Variants in PSD3 observed in about 807,000 individuals in gnomAD.
PSD3 encodes the protein pleckstrin and Sec7 domain containing 3, also known as PH and SEC7 domain-containing protein 3.
PSD3 carries 49 observed loss-of-function variants against 105.5 expected under a neutral mutation model. That is an observed-to-expected ratio of 0.46 (90% CI 0.37 to 0.59). The LOEUF (loss-of-function observed/expected upper bound fraction) is 0.59. Ranked by LOEUF, PSD3 falls within the 20% of genes least tolerant of loss-of-function variation. PSD3 has a pLI of 0.00. For missense variants in PSD3, 1,561 were observed against 1,263.8 expected, an observed-to-expected ratio of 1.24 and a Z score of -3.57; for synonymous variants, 557 against 457.8, an observed-to-expected ratio of 1.22 and a Z score of -2.77.
rs765817079 is a variant in PSD3 at position 18,804,540 on chromosome 8, G to T, written c.1892C>A (p.Thr631Lys). The T allele has an allele frequency of 1.9e-6, 3 of 1,612,254 alleles. No individual in the cohort carries two copies. Among genetic ancestry groups the T allele is most frequent in the Non-Finnish European group, 1.7e-6 (2 of 1,178,372 alleles). ...GTCATACCTGAGTGACTGATCCAGC[G>T]TCATTCCTGTAAAATCAAAAAACTT... is the stretch of plus-strand genomic sequence containing the variant. ...YLKFFDFTGM[T>K]LDQSLRYFFK... Residue 631 changes from threonine (T) to lysine (K), a missense_variant, in exon 6 of 16, where the codon ACG becomes AAG. Thr to Lys is a moderately conservative substitution (Grantham distance 78, BLOSUM62 -1). Coordinates refer to ENST00000327040, the MANE Select transcript of PSD3 (RefSeq NM_015310.4).
intron 14 of PSD3, among the ~76,000 whole-genome samples, chr8:18,558,990 C>A (rs538140281): frequency 1.3e-5 from 2 of 152,280 alleles, no homozygotes; most frequent in African/African-American, 4.8e-5. Flanking sequence ...TAGTACCCCA[C>A]TGCAGGACAC....
chr8:18,561,493 C>G (rs1186025444), intron 14 of PSD3, among the ~76,000 whole-genome samples: 4 of 151,838 alleles, frequency 2.6e-5, no homozygotes, highest in Non-Finnish European at 2.9e-5. Context: ...ACATGCTGGT[C>G]AAAGGATGAA....
intron 9 of PSD3, among the ~76,000 whole-genome samples, chr8:18,660,621 T>A (rs1159080933): frequency 6.6e-6 from 1 of 152,152 alleles, no homozygotes. Context: ...ACCGAGGAAT[T>A]TTTAAAAACA....
At chr8:19,048,379 C>A (rs1370575005) in intron 1 of PSD3, among the ~76,000 whole-genome samples, 1 of 152,164 alleles carries the variant, frequency 6.6e-6, no homozygotes, top group Non-Finnish European at 1.5e-5. Flanking sequence ...CTTTGAAAGT[C>A]AGATTCCTGG....
At chr8:18,554,344 T>G (rs1371980594) in intron 15 of PSD3, among the ~76,000 whole-genome samples, 1 of 152,240 alleles carries the variant, frequency 6.6e-6, no homozygotes, top group East Asian at 1.9e-4. Context: ...TGAACAAGCC[T>G]GGGGAAAGAT....
At chr8:18,701,189 C>T (rs538689367) in intron 9 of PSD3, among the ~76,000 whole-genome samples, 2 of 149,354 alleles carry the variant, frequency 1.3e-5, no homozygotes, top group South Asian at 2.1e-4. Flanking sequence ...AGGTTGGTCT[C>T]GAACTCCTGG....
intron 1 of PSD3, among the ~76,000 whole-genome samples, chr8:18,956,620 C>A (rs73204504): frequency 2.6e-5 from 4 of 151,900 alleles, no homozygotes; most frequent in African/African-American, 7.3e-5. Context: ...CATTACCAAC[C>A]GAGTCTTGCT....
intron 1 of PSD3, among the ~76,000 whole-genome samples, chr8:19,028,282 C>A (rs1506899): frequency 0.025 from 1,450 of 59,152 alleles, 57 homozygotes; most frequent in African/African-American, 0.069. Flanking sequence ...CACACCACCC[C>A]CCCCCCCCGG....
At chr8:19,040,939 C>A (rs899841439) in intron 1 of PSD3, among the ~76,000 whole-genome samples, 1 of 152,160 alleles carries the variant, frequency 6.6e-6, no homozygotes, top group African/African-American at 2.4e-5. Flanking sequence ...GTCACCCAGG[C>A]TGGAGTGCAG....
rs192696289 is a variant in PSD3 at position 19,073,037 on chromosome 8, T to C, written c.324+11169A>G. Among the ~76,000 whole-genome samples the C allele has an allele frequency of 6.7e-4, 102 of 152,306 alleles. 1 individual carries two copies. Among genetic ancestry groups the C allele is most frequent in the African/African-American group, 2.3e-3 (97 of 41,578 alleles). ...TGGGGCTAGATTTTATTAAAGATAA[T>C]AAAATGGTTAATTATCTGAGAATGT... On this transcript the variant is annotated intron_variant, in intron 1 of 1. Coordinates refer to the PSD3 transcript ENST00000521475.
chr8:18,608,671 A>G (rs1192305979), intron 11 of PSD3, among the ~76,000 whole-genome samples: 1 of 152,236 alleles, frequency 6.6e-6, no homozygotes, highest in African/African-American at 2.4e-5. Flanking sequence ...CGGGGAATGA[A>G]AAGACAGTAT....
intron 15 of PSD3, among the ~76,000 whole-genome samples, chr8:18,537,669 TTAGC>T (rs1563299934): frequency 9.3e-6 from 1 of 107,144 alleles, no homozygotes; most frequent in Non-Finnish European, 1.9e-5. Context: ...GTCACTGGTG[TTAGC>T]CTCTCATTCT....
intron 1 of PSD3, among the ~76,000 whole-genome samples, chr8:19,006,080 G>A (rs189160725): frequency 2.0e-5 from 3 of 151,626 alleles, no homozygotes; most frequent in South Asian, 2.1e-4. Flanking sequence ...GAATCATGAC[G>A]TCAAGAGATT....
At chr8:18,911,597 A>T (rs1346658414) in intron 2 of PSD3, among the ~76,000 whole-genome samples, 1 of 152,208 alleles carries the variant, frequency 6.6e-6, no homozygotes, top group African/African-American at 2.4e-5. Flanking sequence ...AAAAGTTCCT[A>T]GCAGAGTGTC....
chr8:18,840,624 A>C (rs1285011499), intron 4 of PSD3, among the ~76,000 whole-genome samples: 1 of 152,214 alleles, frequency 6.6e-6, no homozygotes, highest in Non-Finnish European at 1.5e-5. Flanking sequence ...AGATGAGGAA[A>C]ACAAAGCACA....
At chr8:18,666,449 T>C (rs2130892926) in intron 9 of PSD3, among the ~76,000 whole-genome samples, 1 of 152,364 alleles carries the variant, frequency 6.6e-6, no homozygotes, top group South Asian at 2.1e-4. Context: ...GAACTGAACC[T>C]GTAGTATCTC....
intron 1 of PSD3, among the ~76,000 whole-genome samples, chr8:18,953,014 C>G (rs11784303): frequency 0.39 from 59,662 of 152,008 alleles, 11,898 homozygotes; most frequent in Non-Finnish European, 0.41. Context: ...TAATATATAA[C>G]AAACTCCAAC....
chr8:18,823,337 G>A (rs934328086), intron 4 of PSD3, among the ~76,000 whole-genome samples: 1 of 151,990 alleles, frequency 6.6e-6, no homozygotes, highest in African/African-American at 2.4e-5. Context: ...TTGGAACTAG[G>A]GCTGATAAAA....
At chr8:18,602,797 G>A (rs1353542743) in intron 11 of PSD3, among the ~76,000 whole-genome samples, 2 of 152,252 alleles carry the variant, frequency 1.3e-5, no homozygotes, top group Non-Finnish European at 2.9e-5. Context: ...ATACAGTGCC[G>A]CTGTTGCCAC....
Sources: gnomAD v4.1 joint callset for allele counts (sites outside exome capture counted in the v4.1 genomes callset) on GRCh38, gnomAD v4.1.1 for gene constraint, MANE v1.5 for transcripts, NCBI Gene and HGNC (gene_info 2026-07-23, HGNC 2026-07-21) for gene names.